Variants in SIPA1L1 observed in about 807,000 individuals in gnomAD.
The protein encoded by SIPA1L1 is signal-induced proliferation-associated 1-like protein 1.
SIPA1L1 carries 26 observed loss-of-function variants against 162.7 expected under a neutral mutation model. That is an observed-to-expected ratio of 0.16 (90% CI 0.12 to 0.22). The LOEUF is 0.22. Among genes scored for constraint, SIPA1L1 ranks in the 10% least tolerant of loss-of-function variants. The pLI, the probability that SIPA1L1 is intolerant of heterozygous loss-of-function variation, is 1.00. For synonymous variants in SIPA1L1, 829 were observed against 837.4 expected, an observed-to-expected ratio of 0.99 and a Z score of 0.17; for missense variants, 1,874 against 2,241.0, an observed-to-expected ratio of 0.84 and a Z score of 3.31.
chr14:71,701,260 C>A (rs1397784397), intron 14 of SIPA1L1, among the ~76,000 whole-genome samples: 2 of 152,056 alleles, frequency 1.3e-5, no homozygotes, highest in African/African-American at 4.8e-5. Flanking sequence ...TTTACCCATA[C>A]ATGTATCAGC....
At chr14:71,537,565 A>C (rs2054010941) in intron 4 of SIPA1L1, among the ~76,000 whole-genome samples, 1 of 152,184 alleles carries the variant, frequency 6.6e-6, no homozygotes, top group South Asian at 2.1e-4. Context: ...AAGCAATTCC[A>C]GTGTAATCTC....
rs1218765997 is a variant in SIPA1L1, at chr14:71,381,312, A to G, written c.-465+60131A>G. Reference sequence around the variant, plus strand: ...CGTGATCCGCCCTCCTTGTCCTCCCAAAGTGCTGGGATTACAGGCATGAGC... The same window carrying G: ...CGTGATCCGCCCTCCTTGTCCTCCCGAAGTGCTGGGATTACAGGCATGAGC... On this transcript the variant is annotated intron_variant, in intron 2 of 23. Coordinates refer to ENST00000381232, the MANE Select transcript of SIPA1L1 (RefSeq NM_001386936.1). Among the ~76,000 whole-genome samples, 5 of 152,212 alleles carry G rather than the reference A, an allele frequency of 3.3e-5. No homozygotes were observed. The South Asian group carries it at 1.0e-3, about 32-fold the overall frequency.
chr14:71,699,955 C>G (rs1228941679), intron 14 of SIPA1L1, among the ~76,000 whole-genome samples: 1 of 152,182 alleles, frequency 6.6e-6, no homozygotes, highest in Non-Finnish European at 1.5e-5. Context: ...AAATGCTTCT[C>G]TGAACAAAGA....
chr14:71,388,336 T>A (rs1385841700), intron 2 of SIPA1L1, among the ~76,000 whole-genome samples: 2 of 152,242 alleles, frequency 1.3e-5, no homozygotes, highest in Non-Finnish European at 2.9e-5. Flanking sequence ...AGAAGTTAAG[T>A]CTAATTTATC....
chr14:71,599,136 A>G (rs1446487796), intron 5 of SIPA1L1, among the ~76,000 whole-genome samples: 1 of 143,276 alleles, frequency 7.0e-6, no homozygotes, highest in Admixed American at 7.2e-5. Context: ...TGCAAATGAC[A>G]TGATTTCATT....
chr14:71,738,252 C>G lies in SIPA1L1; in HGVS notation c.5135C>G (p.Ser1712Cys). The stretch of plus-strand genomic sequence containing the variant: ...TTTCTTGTTCCCAGCAGTAAAGACT[C>G]CTCTCCCACTCTGGCTTCTAAAGTG... Reference protein sequence around the residue: ...QMKPYSSSKDSSPTLASKVDQ... With the variant: ...QMKPYSSSKDCSPTLASKVDQ... The change falls in exon 23 of 24, where the codon TCC becomes TGC. Residue 1712 changes from serine to cysteine, a missense_variant. Transcript: ENST00000381232. The G allele has an allele frequency of 6.2e-7, 1 of 1,611,836 alleles. No individual in the cohort carries two copies. The highest frequency in any genetic ancestry group is 8.5e-7 in the Non-Finnish European group (1 of 1,178,506).
At chr14:71,339,551 A>T (rs914474643) in intron 2 of SIPA1L1, among the ~76,000 whole-genome samples, 3 of 151,932 alleles carry the variant, frequency 2.0e-5, no homozygotes, top group African/African-American at 7.3e-5. Context: ...TTTAGTAGAG[A>T]CAGGGTTTCA....
At chr14:71,464,739 A>G (rs1207662132) in intron 2 of SIPA1L1, among the ~76,000 whole-genome samples, 3 of 152,118 alleles carry the variant, frequency 2.0e-5, no homozygotes, top group Non-Finnish European at 2.9e-5. Flanking sequence ...TGTTCCTTCC[A>G]CTATTATTCC....
chr14:71,705,167 C>A, intron 15 of SIPA1L1, 55 bp from the exon 16 acceptor site: 2 of 1,227,256 alleles, frequency 1.6e-6, no homozygotes, highest in Non-Finnish European at 2.4e-6. Context: ...CATTTGTCAC[C>A]ATGTGCTTGT....
chr14:71,560,405 G>A (rs1419335945), intron 4 of SIPA1L1, among the ~76,000 whole-genome samples: 5 of 152,174 alleles, frequency 3.3e-5, no homozygotes. Flanking sequence ...TCTTATGAAT[G>A]ATAAGATGGC....
chr14:71,326,800 C>G (rs1446800332), intron 2 of SIPA1L1, among the ~76,000 whole-genome samples: 5 of 149,858 alleles, frequency 3.3e-5, no homozygotes, highest in African/African-American at 1.2e-4. Flanking sequence ...CAACCTCTGC[C>G]TCCTGGGTTC....
chr14:71,737,586 C>T (rs997332978), intron 22 of SIPA1L1, among the ~76,000 whole-genome samples: 7 of 152,084 alleles, frequency 4.6e-5, no homozygotes, highest in African/African-American at 9.7e-5. Context: ...ACACTTCTTT[C>T]GGTACTCCAC....
chr14:71,462,084 C>G (rs968153829), intron 2 of SIPA1L1, among the ~76,000 whole-genome samples: 3 of 152,194 alleles, frequency 2.0e-5, no homozygotes, highest in African/African-American at 7.2e-5. Context: ...CACTTTATAG[C>G]TAGATTGGTT....
intron 2 of SIPA1L1, among the ~76,000 whole-genome samples, chr14:71,406,751 C>T (rs893728070): frequency 6.6e-6 from 1 of 152,114 alleles, no homozygotes; most frequent in Non-Finnish European, 1.5e-5. Flanking sequence ...TAAAGCTGGG[C>T]TATTCTCCTT....
chr14:71,582,424 CT>C (rs2034062354), intron 4 of SIPA1L1, among the ~76,000 whole-genome samples: 1 of 152,102 alleles, frequency 6.6e-6, no homozygotes, highest in Admixed American at 6.6e-5. Flanking sequence ...TTCTGCCAAA[CT>C]TTTGTGTTCT....
chr14:71,708,791 C>G (rs1372021187), intron 16 of SIPA1L1, among the ~76,000 whole-genome samples: 2 of 152,156 alleles, frequency 1.3e-5, no homozygotes, highest in Non-Finnish European at 1.5e-5. Flanking sequence ...GGAAGGAGGT[C>G]TCTCTAGACA....
chr14:71,593,188 GTTATTTATTTAT>G lies in SIPA1L1; in HGVS notation c.1498+3848_1498+3859del, dbSNP rs60160795. Among the ~76,000 whole-genome samples the G allele has an allele frequency of 9.1e-3, 1,340 of 147,016 alleles. 13 individuals are homozygous for G. Among genetic ancestry groups the G allele is most frequent in the Non-Finnish European group, 0.015 (1,005 of 67,094 alleles). Reference sequence around the variant, plus strand: ...TCCTTTGAGTATGTATGTGTTTTGTGTTATTTATTTATTTATTTATTTATTTATTTATTTATT... The same window carrying G: ...TCCTTTGAGTATGTATGTGTTTTGTGTTATTTATTTATTTATTTATTTATT... On this transcript the variant is annotated intron_variant, in intron 5 of 23. Transcript: ENST00000381232.
intron 2 of SIPA1L1, among the ~76,000 whole-genome samples, chr14:71,498,908 T>A (rs2049990691): frequency 1.3e-5 from 2 of 152,216 alleles, no homozygotes; most frequent in South Asian, 4.1e-4. Context: ...AGGCTTATAT[T>A]AATTTATTAA....
chr14:71,322,761 T>G (rs2033233687), intron 2 of SIPA1L1, among the ~76,000 whole-genome samples: 1 of 152,236 alleles, frequency 6.6e-6, no homozygotes, highest in South Asian at 2.1e-4. Context: ...AGTAAAGGAC[T>G]CTTGAAGTTG....
Sources: gnomAD v4.1 joint callset for allele counts (sites outside exome capture counted in the v4.1 genomes callset) on GRCh38, gnomAD v4.1.1 for gene constraint, MANE v1.5 for transcripts, NCBI Gene and HGNC (gene_info 2026-07-23, HGNC 2026-07-21) for gene names.